Variants in IL7 observed in about 807,000 individuals in gnomAD.
The protein encoded by IL7 is interleukin-7.
Under a neutral mutation model 21.6 loss-of-function variants are expected in IL7, and 3 were observed. The ratio of observed to expected loss-of-function variants is 0.14; its 90% CI spans 0.06 to 0.36. The LOEUF is 0.36. Among genes scored for constraint, IL7 ranks in the 10% least tolerant of loss-of-function variants. The pLI, the probability that IL7 is intolerant of heterozygous loss-of-function variation, is 1.00. For synonymous variants in IL7, 62 were observed against 68.1 expected (o/e 0.91, Z 0.44); for missense variants, 175 against 200.2 (o/e 0.87, Z 0.76).
intron 3 of IL7, among the ~76,000 whole-genome samples, chr8:78,711,142 A>G (rs1810938041): frequency 6.6e-6 from 1 of 152,158 alleles, no homozygotes; most frequent in Non-Finnish European, 1.5e-5. Flanking sequence ...TAAAAAGAAC[A>G]GACTTTTAAA....
In IL7 at chr8:78,697,518, C is replaced by T. The variant is rs117424234; in HGVS notation, n.215-11571G>A. 5,046 of 1,593,824 alleles carry T rather than the reference C, an allele frequency of 3.2e-3. 10 individuals carry two copies. The highest frequency in any genetic ancestry group is 3.2e-3 in the Non-Finnish European group (3,686 of 1,169,900). On this transcript the variant is annotated intron_variant and non_coding_transcript_variant, in intron 3 of 4. Coordinates refer to the IL7 transcript ENST00000523959. ...CAAAACTGTTGTAGGTAATGATAGC[C>T]GAAAAGCAACTTGATTTGTTTTTGA...
chr8:78,762,439 C>A, intron 2 of IL7: 3 of 1,575,980 alleles, frequency 1.9e-6, no homozygotes, highest in Middle Eastern at 2.3e-4. Flanking sequence ...CATCGTCGCC[C>A]GCCCGCCGGC....
chr8:78,676,649 T>C (rs1809588134), intron 4 of IL7, among the ~76,000 whole-genome samples: 1 of 152,038 alleles, frequency 6.6e-6, no homozygotes, highest in African/African-American at 2.4e-5. Context: ...TTTGTTTCTT[T>C]AAAGCAAAGT....
At chr8:78,699,163 G>A (rs1270370405) in intron 3 of IL7, among the ~76,000 whole-genome samples, 1 of 152,032 alleles carries the variant, frequency 6.6e-6, no homozygotes, top group Non-Finnish European at 1.5e-5. Context: ...AACTCCATGT[G>A]TAGTATGATA....
intron 5 of IL7, among the ~76,000 whole-genome samples, chr8:78,735,502 G>GT (rs1811560752): frequency 6.6e-6 from 1 of 151,894 alleles, no homozygotes; most frequent in Admixed American, 6.6e-5. Flanking sequence ...TAGAGACGGG[G>GT]TTTCACCATG....
chr8:78,761,877 C>G, intron 2 of IL7: 2 of 1,611,720 alleles, frequency 1.2e-6, no homozygotes, highest in Non-Finnish European at 1.7e-6. Context: ...TCATGTCCGT[C>G]CAGAGGTATG....
chr8:78,751,580 TG>T (rs1812174332), intron 2 of IL7, among the ~76,000 whole-genome samples: 1 of 152,220 alleles, frequency 6.6e-6, no homozygotes, highest in Non-Finnish European at 1.5e-5. Context: ...AGAGAATAAG[TG>T]AAGGTAAAAT....
At chr8:78,748,882 G>C (rs995148180) in intron 2 of IL7, among the ~76,000 whole-genome samples, 1 of 152,112 alleles carries the variant, frequency 6.6e-6, no homozygotes, top group African/African-American at 2.4e-5. Context: ...TAATGGAATG[G>C]TAAAATAGAT....
chr8:78,723,683 G>A (rs944754204), intron 3 of IL7: 1 of 165,474 alleles, frequency 6.0e-6, no homozygotes, highest in Non-Finnish European at 1.5e-5. Flanking sequence ...TTCATTCTGA[G>A]TATATACAGA....
intron 2 of IL7, chr8:78,760,388 A>G: frequency 1.2e-6 from 2 of 1,608,856 alleles, no homozygotes; most frequent in Non-Finnish European, 1.7e-6. Flanking sequence ...GACCTTCAGC[A>G]ATGCATACAC....
At chr8:78,727,329 C>G (rs1811355425) in intron 3 of IL7, among the ~76,000 whole-genome samples, 1 of 151,978 alleles carries the variant, frequency 6.6e-6, no homozygotes, top group African/African-American at 2.4e-5. Flanking sequence ...CATTAGCCAG[C>G]CTGTTAATTA....
intron 4 of IL7, among the ~76,000 whole-genome samples, chr8:78,684,074 T>G (rs1420973368): frequency 6.6e-6 from 1 of 152,176 alleles, no homozygotes; most frequent in African/African-American, 2.4e-5. Flanking sequence ...CCCACATTTT[T>G]CTGTCTTCTG....
At chr8:78,772,739 T>C (rs1344835367) in intron 2 of IL7, among the ~76,000 whole-genome samples, 2 of 152,120 alleles carry the variant, frequency 1.3e-5, no homozygotes, top group African/African-American at 4.8e-5. Flanking sequence ...TATTAAACAC[T>C]GAATTAAATA....
chr8:78,691,496 T>TA (rs2130512835), intron 3 of IL7, among the ~76,000 whole-genome samples: 1 of 152,196 alleles, frequency 6.6e-6, no homozygotes, highest in East Asian at 1.9e-4. Context: ...CTATAATTGG[T>TA]TTTTGTATTT....
At chr8:78,798,522 T>C (rs1813940619) in intron 1 of IL7, among the ~76,000 whole-genome samples, 1 of 152,010 alleles carries the variant, frequency 6.6e-6, no homozygotes, top group South Asian at 2.1e-4. Context: ...ATGTTGAACA[T>C]CCCCATAAGA....
intron 4 of IL7, 73 bp downstream of exon 4, chr8:78,738,431 C>A (rs972441341): frequency 5.8e-6 from 7 of 1,209,448 alleles, no homozygotes; most frequent in Non-Finnish European, 8.3e-6. Flanking sequence ...TGGATGTGAT[C>A]ATCAGAGAAT....
chr8:78,681,691 A>G (rs1179774194), intron 4 of IL7, among the ~76,000 whole-genome samples: 1 of 152,154 alleles, frequency 6.6e-6, no homozygotes, highest in Admixed American at 6.5e-5. Flanking sequence ...CTTTGTGGGA[A>G]GGAAAATATT....
intron 2 of IL7, among the ~76,000 whole-genome samples, chr8:78,777,597 T>C (rs1161415295): frequency 6.6e-6 from 1 of 152,070 alleles, no homozygotes; most frequent in African/African-American, 2.4e-5. Context: ...TATCAATCTT[T>C]GAGTTTTCCA....
chr8:78,696,768 G>T (rs1462837381), intron 3 of IL7, among the ~76,000 whole-genome samples: 1 of 152,076 alleles, frequency 6.6e-6, no homozygotes. Context: ...TGTAAAACTT[G>T]TTCAGGTCCT....
Sources: allele counts gnomAD v4.1 joint callset (sites outside exome capture counted in the v4.1 genomes callset), GRCh38; gene constraint gnomAD v4.1.1; transcripts MANE v1.5; gene names NCBI Gene and HGNC (gene_info 2026-07-23, HGNC 2026-07-21).